The following UNC5C variants were observed in gnomAD, a reference collection of about 807,000 sequenced individuals.
UNC5C encodes unc-5 netrin receptor C.
A neutral mutation model predicts 99.8 loss-of-function variants in UNC5C; 47 were observed. That is an observed-to-expected ratio of 0.47 (90% CI 0.37 to 0.60). The LOEUF (loss-of-function observed/expected upper bound fraction) is 0.60. Among genes scored for constraint, UNC5C ranks in the 20% least tolerant of loss-of-function variants. The probability of loss-of-function intolerance (pLI) is 0.00; values close to 1 mark genes in which losing one functional copy is unlikely to be tolerated. For synonymous variants in UNC5C, 487 were observed against 452.2 expected (o/e 1.08, Z -0.98); for missense variants, 1,062 against 1,165.9 (o/e 0.91, Z 1.30).
At chr4:95,194,259 G>T (rs2149356674) in intron 12 of UNC5C, among the ~76,000 whole-genome samples, 1 of 152,266 alleles carries the variant, frequency 6.6e-6, no homozygotes, top group South Asian at 2.1e-4. Flanking sequence ...TTAGGAACAG[G>T]ACTTTGTAGG....
chr4:95,420,065 T>C (rs1240832324), intron 1 of UNC5C, among the ~76,000 whole-genome samples: 4 of 152,232 alleles, frequency 2.6e-5, no homozygotes, highest in Non-Finnish European at 1.5e-5. Context: ...TAAGTATGAA[T>C]ACCTATAATC....
chr4:95,459,061 T>C (rs1173268788), intron 1 of UNC5C, among the ~76,000 whole-genome samples: 1 of 152,124 alleles, frequency 6.6e-6, no homozygotes, highest in Non-Finnish European at 1.5e-5. Context: ...GTTATCCTTT[T>C]AGGAATTTTC....
chr4:95,474,177 G>C (rs1748059070), intron 1 of UNC5C, among the ~76,000 whole-genome samples: 1 of 152,018 alleles, frequency 6.6e-6, no homozygotes, highest in Non-Finnish European at 1.5e-5. Context: ...GCATTTCTCA[G>C]AGCCAATTTG....
intron 1 of UNC5C, among the ~76,000 whole-genome samples, chr4:95,530,568 A>G (rs1341428785): frequency 6.6e-6 from 1 of 152,226 alleles, no homozygotes; most frequent in African/African-American, 2.4e-5. Context: ...GTAAGTTAAT[A>G]CTAACCACAG....
Position 95,356,220 on chromosome 4 carries a change from A to C in UNC5C, c.125-20589T>G, listed in dbSNP as rs1332092096. On this transcript the variant is annotated intron_variant, in intron 1 of 15. Transcript: ENST00000453304. ...AAAAAAAAAAAAAAAAAACAAAACA[A>C]AAAAAAAACAGATTCCTCGTTCTTC... Among the ~76,000 whole-genome samples, 38 of 134,658 alleles carry C rather than the reference A, an allele frequency of 2.8e-4. 1 individual carries two copies. Among genetic ancestry groups the C allele is most frequent in the African/African-American group, 1.1e-3 (37 of 33,444 alleles). 88.3% of individuals were successfully genotyped at this position (134,658 alleles called of 152,430 possible).
chr4:95,354,301 T>C (rs1579351601), intron 1 of UNC5C, among the ~76,000 whole-genome samples: 1 of 151,662 alleles, frequency 6.6e-6, no homozygotes, highest in East Asian at 1.9e-4. Flanking sequence ...ACATGGTCTA[T>C]AGGGCCTCCA....
At chr4:95,439,409 CCTT>C (rs1161153121) in intron 1 of UNC5C, among the ~76,000 whole-genome samples, 1 of 148,108 alleles carries the variant, frequency 6.8e-6, no homozygotes, top group East Asian at 2.0e-4. Context: ...TTCCTCTTCT[CCTT>C]CTTATGTTTT....
chr4:95,223,366 A>G (rs1738548721), intron 7 of UNC5C, among the ~76,000 whole-genome samples: 2 of 152,214 alleles, frequency 1.3e-5, no homozygotes, highest in Admixed American at 1.3e-4. Context: ...CAAAAAACAG[A>G]GGAAAACAAG....
At chr4:95,434,911 G>A (rs1746733802) in intron 1 of UNC5C, among the ~76,000 whole-genome samples, 1 of 152,000 alleles carries the variant, frequency 6.6e-6, no homozygotes, top group Non-Finnish European at 1.5e-5. Context: ...ACCAATATTT[G>A]TTAACTTCTC....
At chr4:95,397,421 G>A (rs1389204051) in intron 1 of UNC5C, among the ~76,000 whole-genome samples, 1 of 152,100 alleles carries the variant, frequency 6.6e-6, no homozygotes, top group African/African-American at 2.4e-5. Context: ...TAACATTAAA[G>A]AAAAGTTAGT....
intron 14 of UNC5C, among the ~76,000 whole-genome samples, chr4:95,177,618 T>C (rs553675973): frequency 1.3e-5 from 2 of 152,188 alleles, no homozygotes; most frequent in Non-Finnish European, 2.9e-5. Context: ...ATTTGAAATC[T>C]TTTGCCATGG....
chr4:95,370,337 C>T (rs1744706886), intron 1 of UNC5C, among the ~76,000 whole-genome samples: 1 of 151,710 alleles, frequency 6.6e-6, no homozygotes. Context: ...TTTTAAATTT[C>T]ATATGTGGTC....
chr4:95,258,043 C>T (rs777600051), intron 4 of UNC5C, among the ~76,000 whole-genome samples: 9 of 152,232 alleles, frequency 5.9e-5, no homozygotes, highest in Middle Eastern at 3.4e-3. Flanking sequence ...AAACATATAA[C>T]CTTTTCATGC....
chr4:95,382,693 C>T (rs1311461169), intron 1 of UNC5C, among the ~76,000 whole-genome samples: 2 of 152,154 alleles, frequency 1.3e-5, no homozygotes, highest in African/African-American at 2.4e-5. Context: ...AATCTACTCT[C>T]TGTCTCTGTC....
chr4:95,247,476 T>TA, intron 5 of UNC5C, among the ~76,000 whole-genome samples: 1 of 152,314 alleles, frequency 6.6e-6, no homozygotes, highest in South Asian at 2.1e-4. Context: ...ATTTGGGGTT[T>TA]AGGATATATG....
chr4:95,532,931 GAA>G (rs889164149), intron 1 of UNC5C, among the ~76,000 whole-genome samples: 9 of 148,288 alleles, frequency 6.1e-5, no homozygotes, highest in African/African-American at 2.2e-4. Flanking sequence ...AAGGTTTTAA[GAA>G]AAAAAGTTCT....
At chr4:95,514,645 T>TA (rs1560490603) in intron 1 of UNC5C, among the ~76,000 whole-genome samples, 6 of 147,740 alleles carry the variant, frequency 4.1e-5, no homozygotes, top group African/African-American at 1.2e-4. Flanking sequence ...TTTATTTATT[T>TA]TATATATATA....
chr4:95,368,851 A>G (rs1268127623), intron 1 of UNC5C, among the ~76,000 whole-genome samples: 1 of 152,052 alleles, frequency 6.6e-6, no homozygotes, highest in Non-Finnish European at 1.5e-5. Context: ...TTGAGGATAT[A>G]TTTTACATTT....
At chr4:95,436,624 A>T (rs1023061748) in intron 1 of UNC5C, among the ~76,000 whole-genome samples, 5 of 151,938 alleles carry the variant, frequency 3.3e-5, no homozygotes, top group African/African-American at 1.2e-4. Flanking sequence ...TAAGTCTAGG[A>T]GTAACTCAGG....
Sources: allele counts gnomAD v4.1 joint callset (sites outside exome capture counted in the v4.1 genomes callset), GRCh38; gene constraint gnomAD v4.1.1; transcripts MANE v1.5; gene names NCBI Gene and HGNC (gene_info 2026-07-23, HGNC 2026-07-21).